ZBTB38: variants seen among roughly 807,000 people sequenced by gnomAD.
ZBTB38 encodes the protein zinc finger and BTB domain containing 38.
A neutral mutation model predicts 76.8 loss-of-function variants in ZBTB38; 20 were observed. That is an observed-to-expected ratio of 0.26 (90% CI 0.18 to 0.38). ZBTB38 has a LOEUF of 0.38. Ranked by LOEUF, ZBTB38 falls within the 10% of genes least tolerant of loss-of-function variation. ZBTB38 has a pLI of 1.00. For synonymous variants in ZBTB38, 504 were observed against 544.2 expected (o/e 0.93, Z 1.03); for missense variants, 1,082 against 1,482.3 (o/e 0.73, Z 4.43).
In ZBTB38 at chr3:141,444,749, A is replaced by C; in HGVS notation, c.2361A>C (p.Glu787Asp). ...KKKTTSHTRG[E>D]IPEESNYVAD... The stretch of plus-strand genomic sequence containing the variant: ...AAACTACATCACATACCAGGGGAGA[A>C]ATACCGGAGGAGTCAAACTATGTTG... Residue 787 changes from glutamate to aspartate, a missense_variant, in exon 6 of 6, where the codon GAA becomes GAC. Physicochemically the swap from Glu to Asp is conservative, Grantham distance 45 (BLOSUM62 2). Coordinates refer to ENST00000321464, the MANE Select transcript of ZBTB38 (RefSeq NM_001376113.1). This position sits in a 1 kb window ranked among gnomAD's most constrained non-coding sequence, Gnocchi z 5.1. 6.2e-7 allele frequency: 1 copy of C among 1,614,176 alleles called. No homozygotes were observed. The highest frequency in any genetic ancestry group is 8.5e-7 in the Non-Finnish European group (1 of 1,180,036).
chr3:141,379,399 C>T (rs146885755), intron 2 of ZBTB38, among the ~76,000 whole-genome samples: 7 of 152,280 alleles, frequency 4.6e-5, no homozygotes, highest in African/African-American at 1.7e-4. Context: ...GAAGTCTATG[C>T]GGCATCCTGT....
intron 1 of ZBTB38, among the ~76,000 whole-genome samples, chr3:141,328,201 G>GC (rs1303045454): frequency 6.6e-6 from 1 of 152,122 alleles, no homozygotes; most frequent in Admixed American, 6.5e-5. Context: ...GTCTATCCAT[G>GC]CTTAAAGGTG....
chr3:141,396,181 A>G (rs922108601), intron 4 of ZBTB38: 1 of 152,262 alleles, frequency 6.6e-6, no homozygotes, highest in African/African-American at 2.4e-5. Flanking sequence ...AAGTAGAGTC[A>G]GTCTTCTGAA....
intron 2 of ZBTB38, among the ~76,000 whole-genome samples, chr3:141,373,668 G>A (rs2149060943): frequency 6.6e-6 from 1 of 152,166 alleles, no homozygotes; most frequent in African/African-American, 2.4e-5. Flanking sequence ...CACACTTCAG[G>A]GTTTTGTTTT....
intron 5 of ZBTB38, among the ~76,000 whole-genome samples, chr3:141,415,072 ATCT>A (rs1425407920): frequency 6.7e-6 from 1 of 150,192 alleles, no homozygotes; most frequent in Non-Finnish European, 1.5e-5. Context: ...CATCATCATC[ATCT>A]TCTCCATTCT....
intron 5 of ZBTB38, chr3:141,427,920 TTTCTGGGCTGTG>T (rs1483728664): frequency 6.6e-6 from 1 of 152,300 alleles, no homozygotes; most frequent in Non-Finnish European, 1.5e-5. Flanking sequence ...GTGCCAGTGT[TTTCTGGGCTGTG>T]GGGCAGACAC....
chr3:141,371,887 T>C (rs1944667059), intron 2 of ZBTB38, among the ~76,000 whole-genome samples: 1 of 152,222 alleles, frequency 6.6e-6, no homozygotes, highest in Non-Finnish European at 1.5e-5. Flanking sequence ...ATAAACCATA[T>C]GATGGGTGCC....
intron 1 of ZBTB38, among the ~76,000 whole-genome samples, chr3:141,332,463 C>T (rs1942883532): frequency 6.6e-6 from 1 of 152,228 alleles, no homozygotes; most frequent in African/African-American, 2.4e-5. Flanking sequence ...CCTCTCAGCT[C>T]TGAGCCCTGC....
At chr3:141,426,472 C>T (rs1039187960) in intron 5 of ZBTB38, among the ~76,000 whole-genome samples, 2 of 152,192 alleles carry the variant, frequency 1.3e-5, no homozygotes, top group Admixed American at 6.5e-5. Flanking sequence ...GACCCAGCAG[C>T]AGGCCACAGA....
At chr3:141,340,849 A>G in intron 1 of ZBTB38, among the ~76,000 whole-genome samples, 1 of 150,438 alleles carries the variant, frequency 6.6e-6, no homozygotes, top group East Asian at 1.9e-4. Context: ...GTGAGCTAAG[A>G]TTGCGCAACT....
chr3:141,396,801 T>C (rs1410778498), intron 4 of ZBTB38, among the ~76,000 whole-genome samples: 1 of 152,250 alleles, frequency 6.6e-6, no homozygotes, highest in Non-Finnish European at 1.5e-5. Flanking sequence ...CAATGAGCAG[T>C]AATATTTTGA....
At chr3:141,345,948 A>T (rs1422574122) in intron 1 of ZBTB38, among the ~76,000 whole-genome samples, 1 of 152,128 alleles carries the variant, frequency 6.6e-6, no homozygotes, top group African/African-American at 2.4e-5. Flanking sequence ...GAAGGGTATG[A>T]GTGGAAGGCA....
intron 2 of ZBTB38, among the ~76,000 whole-genome samples, chr3:141,372,009 T>A (rs1042847879): frequency 2.0e-4 from 31 of 152,206 alleles, no homozygotes; most frequent in African/African-American, 7.5e-4. Flanking sequence ...ACACTCTGGT[T>A]TCTGATTGAC....
chr3:141,347,467 A>T (rs936665030), intron 1 of ZBTB38, among the ~76,000 whole-genome samples: 6 of 152,202 alleles, frequency 3.9e-5, no homozygotes, highest in African/African-American at 1.4e-4. Context: ...GCATATGTTT[A>T]ACCTAAGGAA....
intron 5 of ZBTB38, among the ~76,000 whole-genome samples, chr3:141,410,442 C>G (rs1956257004): frequency 6.6e-6 from 1 of 152,190 alleles, no homozygotes. Context: ...AGGACTTGCT[C>G]AAGGCCACAT....
intron 2 of ZBTB38, among the ~76,000 whole-genome samples, chr3:141,374,340 T>C (rs1020825832): frequency 3.3e-5 from 5 of 152,310 alleles, no homozygotes; most frequent in Non-Finnish European, 5.9e-5. Context: ...CAGGGACATT[T>C]AACCTGGGGT....
chr3:141,336,138 C>T (rs1304962636), intron 1 of ZBTB38, among the ~76,000 whole-genome samples: 1 of 152,018 alleles, frequency 6.6e-6, no homozygotes, highest in Admixed American at 6.5e-5. Flanking sequence ...GAGAAGGGAC[C>T]CTCCCAACTT....
At position 141,413,189 on chromosome 3, in the gene ZBTB38, C is replaced by T. The variant is rs1052039453; in HGVS notation, c.-1+9158C>T. 2.6e-5 allele frequency among the ~76,000 whole-genome samples: 4 copies of T among 152,314 alleles called. No individual in the cohort carries two copies. The highest frequency in any genetic ancestry group is 5.9e-5 in the Non-Finnish European group (4 of 68,030). ...CAGGCCCATACAGATGATCTCTGTA[C>T]GCTGGTATTTTGCGCCTGGAGCCAG... On this transcript the variant is annotated intron_variant, in intron 5 of 5. Transcript: ENST00000321464. This position sits in a 1 kb window ranked among gnomAD's most constrained non-coding sequence, Gnocchi z 4.1.
rs956097137 is a variant in ZBTB38, at chr3:141,361,123, G to A, written c.-738-7498G>A. On this transcript the variant is annotated intron_variant, in intron 1 of 7. Transcript: ENST00000509842. ...CTTGACTTTGTTTCTGTTTCTGACC[G>A]CCCCAGCCTTAAATAAATAGTCTTT... Among the ~76,000 whole-genome samples, 9 of 152,126 alleles carry A rather than the reference G, an allele frequency of 5.9e-5. No individual in the cohort carries two copies. The South Asian group carries it at 8.3e-4, about 14-fold the overall frequency.
Sources: allele counts gnomAD v4.1 joint callset (sites outside exome capture counted in the v4.1 genomes callset), GRCh38; gene constraint gnomAD v4.1.1; non-coding constraint Gnocchi (gnomAD v3.1); transcripts MANE v1.5; gene names NCBI Gene and HGNC (gene_info 2026-07-23, HGNC 2026-07-21).